Variants in CUX2 observed in about 807,000 individuals in gnomAD.
CUX2 encodes homeobox protein cut-like 2.
CUX2 carries 40 observed loss-of-function variants against 144.8 expected under a neutral mutation model. That is an observed-to-expected ratio of 0.28 (90% confidence interval 0.21 to 0.36). CUX2 has a LOEUF of 0.36. CUX2 is among the 10% of genes least tolerant of loss of function. The probability of loss-of-function intolerance (pLI) is 1.00; values close to 1 mark genes in which losing one functional copy is unlikely to be tolerated. For synonymous variants in CUX2, 827 were observed against 875.6 expected, an observed-to-expected ratio of 0.94 and a Z score of 0.98; for missense variants, 1,615 against 1,994.0, an observed-to-expected ratio of 0.81 and a Z score of 3.62.
chr12:111,134,513 A>AAAT (rs1318269203), intron 1 of CUX2, among the ~76,000 whole-genome samples: 5 of 152,062 alleles, frequency 3.3e-5, no homozygotes, highest in African/African-American at 1.2e-4. Context: ...CTCATCCTTA[A>AAAT]AATTCTGTTC....
At chr12:111,319,679 CT>C (rs1163774104) in intron 16 of CUX2, among the ~76,000 whole-genome samples, 1 of 152,236 alleles carries the variant, frequency 6.6e-6, no homozygotes, top group Non-Finnish European at 1.5e-5. Context: ...TTGCAGTGAG[CT>C]GAGATCGTGC....
At chr12:111,280,453 C>G (rs576122786) in intron 4 of CUX2, among the ~76,000 whole-genome samples, 1 of 152,264 alleles carries the variant, frequency 6.6e-6, no homozygotes, top group Non-Finnish European at 1.5e-5. Context: ...GAGAGCATGG[C>G]CCTACTGACA....
At chr12:111,207,471 G>A (rs1027582998) in intron 1 of CUX2, among the ~76,000 whole-genome samples, 1 of 152,166 alleles carries the variant, frequency 6.6e-6, no homozygotes, top group Admixed American at 6.5e-5. Context: ...AGATGAGTGG[G>A]TGGACAGATG....
intron 1 of CUX2, among the ~76,000 whole-genome samples, chr12:111,098,453 T>G (rs898406225): frequency 6.7e-6 from 1 of 149,720 alleles, no homozygotes; most frequent in African/African-American, 2.5e-5. Flanking sequence ...GCTGCTGCAG[T>G]CATCGGCCTT....
At chr12:111,177,727 C>T (rs1313099333) in intron 1 of CUX2, among the ~76,000 whole-genome samples, 1 of 152,146 alleles carries the variant, frequency 6.6e-6, no homozygotes, top group Non-Finnish European at 1.5e-5. Context: ...TCTGAACAGT[C>T]AGAGCTAACT....
chr12:111,304,283 T>G lies in CUX2; in HGVS notation c.827T>G (p.Leu276Arg). 2.5e-6 allele frequency: 4 copies of G among 1,613,886 alleles called. No homozygotes were observed. The highest frequency in any genetic ancestry group is 3.4e-6 in the Non-Finnish European group (4 of 1,179,922). Residue 276 changes from leucine (L) to arginine (R), a missense_variant, in exon 10 of 22, where the codon CTG (leucine) becomes CGG (arginine). Transcript: ENST00000261726. The surrounding 1 kb of genome is among the most constrained non-coding windows in gnomAD (Gnocchi z 4.7). ...GCCTCTGTCAACAGCTCCATCCGCC[T>G]GGCTTGCTGCTCTCCCCAGGGGCCC... The part of the protein sequence containing the change: ...QLASVNSSIR[L>R]ACCSPQGPSG...
chr12:111,331,846 G>A (rs889672914), intron 18 of CUX2, among the ~76,000 whole-genome samples: 12 of 152,122 alleles, frequency 7.9e-5, no homozygotes, highest in African/African-American at 1.9e-4. Flanking sequence ...TGGGGGCGCC[G>A]AGGAGGGTGG....
In CUX2 at chr12:111,295,271, T is replaced by C; in HGVS notation, c.561-62T>C. 6.5e-7 allele frequency: 1 copy of C among 1,533,086 alleles called. No homozygotes were observed. The allele number at this position is 1,533,086 out of a possible 1,614,324, so 95.0% of individuals were successfully genotyped here. On this transcript the variant is annotated intron_variant, in intron 6 of 21. Coordinates refer to ENST00000261726, the MANE Select transcript of CUX2 (RefSeq NM_015267.4). This position sits in a 1 kb window ranked among gnomAD's most constrained non-coding sequence, Gnocchi z 5.0. ...GGTAGGAAGCAAGATGGGGCTCGAC[T>C]CGGGGGCCCCAGGCAAGGCCTGTCC...
chr12:111,125,813 T>C (rs1875023492), intron 1 of CUX2, among the ~76,000 whole-genome samples: 1 of 152,142 alleles, frequency 6.6e-6, no homozygotes, highest in Admixed American at 6.5e-5. Flanking sequence ...GCTCTGAGGA[T>C]TGCCAGACAG....
chr12:111,324,650 G>A (rs1472409089), intron 18 of CUX2, among the ~76,000 whole-genome samples: 14 of 152,024 alleles, frequency 9.2e-5, no homozygotes, highest in African/African-American at 1.7e-4. Flanking sequence ...ACAGGCGTGC[G>A]CCACCATGCC....
chr12:111,144,533 G>A (rs928841825), intron 1 of CUX2, among the ~76,000 whole-genome samples: 2 of 152,134 alleles, frequency 1.3e-5, no homozygotes, highest in Admixed American at 6.5e-5. Context: ...GTTTGTGGGG[G>A]GCTTCTCCTT....
chr12:111,109,860 C>T (rs555739057), intron 1 of CUX2, among the ~76,000 whole-genome samples: 5 of 151,998 alleles, frequency 3.3e-5, no homozygotes, highest in African/African-American at 9.7e-5. Context: ...GGATCTCCCC[C>T]GATCTCTAAC....
At chr12:111,055,976 T>C (rs978377259) in intron 1 of CUX2, among the ~76,000 whole-genome samples, 3 of 152,198 alleles carry the variant, frequency 2.0e-5, no homozygotes, top group Admixed American at 6.5e-5. Context: ...CTCAGTGTTA[T>C]CTTCTGTAAC....
chr12:111,317,724 G>A (rs996508193), intron 16 of CUX2, among the ~76,000 whole-genome samples: 3 of 152,132 alleles, frequency 2.0e-5, no homozygotes, highest in African/African-American at 4.8e-5. Flanking sequence ...GACCGGGCGC[G>A]GTGGCTCACA....
intron 4 of CUX2, among the ~76,000 whole-genome samples, chr12:111,264,708 A>T (rs887669853): frequency 1.3e-5 from 2 of 152,130 alleles, no homozygotes; most frequent in South Asian, 2.1e-4. Flanking sequence ...TCATGCCTGC[A>T]CTCCAGCCTG....
rs768472269 is a variant in CUX2 at position 111,320,824 on chromosome 12, G to A, written c.2766+49G>A. 1.8e-5 allele frequency: 25 copies of A among 1,421,074 alleles called. No homozygotes were observed. The highest frequency in any genetic ancestry group is 1.7e-4 in the South Asian group (11 of 65,822). 88.0% of individuals were successfully genotyped at this position (1,421,074 alleles called of 1,614,324 possible). A position where few individuals can be genotyped will look rare whatever the true frequency, so the allele number is the denominator to read the frequency against. On this transcript the variant is annotated intron_variant, in intron 17 of 21. Transcript: ENST00000261726. The surrounding 1 kb of genome is among the most constrained non-coding windows in gnomAD (Gnocchi z 8.1). ...TGTCTGGGCTCTGGGAGAAGATGTC[G>A]GAGAAGTAGGATGCCCACCCAAGCA...
chr12:111,239,744 A>G (rs1882930483), intron 3 of CUX2, among the ~76,000 whole-genome samples: 1 of 151,824 alleles, frequency 6.6e-6, no homozygotes, highest in South Asian at 2.1e-4. Context: ...GCTTTCTACA[A>G]TGAGTGGGGT....
chr12:111,133,887 G>A (rs1375045820), intron 1 of CUX2, among the ~76,000 whole-genome samples: 1 of 152,146 alleles, frequency 6.6e-6, no homozygotes, highest in Non-Finnish European at 1.5e-5. Flanking sequence ...TCAGAGTTTA[G>A]GGTCTCAGTG....
chr12:111,172,101 G>A (rs756360627), intron 1 of CUX2, among the ~76,000 whole-genome samples: 13 of 151,722 alleles, frequency 8.6e-5, no homozygotes, highest in East Asian at 5.8e-4. Context: ...ATGTCTCTGC[G>A]TGTGCATATG....
Sources: gnomAD v4.1 joint callset for allele counts (sites outside exome capture counted in the v4.1 genomes callset) on GRCh38, gnomAD v4.1.1 for gene constraint, Gnocchi (gnomAD v3.1) non-coding constraint, MANE v1.5 for transcripts, NCBI Gene and HGNC (gene_info 2026-07-23, HGNC 2026-07-21) for gene names.